The following VEPH1 variants were observed in gnomAD, a reference collection of about 807,000 sequenced individuals.
VEPH1 encodes the protein ventricular zone-expressed PH domain-containing protein homolog 1.
A neutral mutation model predicts 85.2 loss-of-function variants in VEPH1; 80 were observed. The observed-to-expected ratio is 0.94, with a 90% CI of 0.78 to 1.13. VEPH1 has a LOEUF of 1.13. Among genes scored for constraint, VEPH1 ranks in the 50% most tolerant of loss-of-function variants. The pLI is 0.00. For missense variants in VEPH1, 955 were observed against 980.5 expected, an observed-to-expected ratio of 0.97 and a Z score of 0.35; for synonymous variants, 297 against 348.0, an observed-to-expected ratio of 0.85 and a Z score of 1.63.
intron 2 of VEPH1, among the ~76,000 whole-genome samples, chr3:157,471,711 C>T (rs1736975632): frequency 7.0e-6 from 1 of 143,798 alleles, no homozygotes; most frequent in Non-Finnish European, 1.5e-5. Context: ...TAGGTGACCT[C>T]ATCTTTTTTT....
rs202162855 is a variant in VEPH1, at chr3:157,293,412, C to T, written c.2011-6738G>A. On this transcript the variant is annotated intron_variant, in intron 11 of 13. Transcript: ENST00000362010. ...CTATCACTACATATCACTAAATAAA[C>T]TTATACTTCTATCCTTTGAGTCCCT... Among the ~76,000 whole-genome samples the T allele has an allele frequency of 1.3e-4, 20 of 152,304 alleles. No homozygotes were observed. The East Asian group carries it at 3.7e-3, about 28-fold the overall frequency.
At chr3:157,397,349 G>T (rs1730476377) in intron 6 of VEPH1, among the ~76,000 whole-genome samples, 1 of 152,168 alleles carries the variant, frequency 6.6e-6, no homozygotes, top group Admixed American at 6.5e-5. Context: ...AGTACAGTTT[G>T]AAGTTGGATG....
intron 11 of VEPH1, among the ~76,000 whole-genome samples, chr3:157,305,948 T>G (rs1355385240): frequency 1.3e-5 from 2 of 152,218 alleles, no homozygotes; most frequent in African/African-American, 4.8e-5. Context: ...TTTTTCATGC[T>G]TGTTACAAAT....
intron 6 of VEPH1, among the ~76,000 whole-genome samples, chr3:157,390,672 C>T (rs183432483): frequency 2.6e-5 from 4 of 152,298 alleles, no homozygotes; most frequent in Admixed American, 2.6e-4. Flanking sequence ...ATGAAGGATA[C>T]CCCAGATCCT....
At chr3:157,438,020 A>AGCGCGCGC in intron 4 of VEPH1, 1 of 836,442 alleles carries the variant, frequency 1.2e-6, no homozygotes, top group Non-Finnish European at 1.7e-6. Context: ...TTTCATGGGA[A>AGCGCGCGC]GCGCGCGCGC....
chr3:157,500,631 T>C (rs1740026532), intron 1 of VEPH1, among the ~76,000 whole-genome samples: 1 of 152,252 alleles, frequency 6.6e-6, no homozygotes, highest in African/African-American at 2.4e-5. Flanking sequence ...AATATACTAA[T>C]GAAGTTTCGT....
chr3:157,488,943 TC>T, intron 2 of VEPH1: 1 of 262,970 alleles, frequency 3.8e-6, no homozygotes, highest in South Asian at 3.3e-5. Flanking sequence ...TCTCTCTCTC[TC>T]TTTCTCTCTC....
At chr3:157,439,403 T>TA (rs1733935884) in intron 4 of VEPH1, among the ~76,000 whole-genome samples, 1 of 152,262 alleles carries the variant, frequency 6.6e-6, no homozygotes, top group African/African-American at 2.4e-5. Flanking sequence ...GCTTGGCTCC[T>TA]AACCATTCTG....
intron 7 of VEPH1, among the ~76,000 whole-genome samples, chr3:157,369,189 A>AAAAACAAAAAACAAACAAAC (rs1560001150): frequency 1.4e-5 from 2 of 143,118 alleles, no homozygotes; most frequent in African/African-American, 2.6e-5. Flanking sequence ...TGAAAAAAAA[A>AAAAACAAAAAACAAACAAAC]AAAAAAAAAA....
intron 5 of VEPH1, among the ~76,000 whole-genome samples, chr3:157,427,940 G>A (rs1055419344): frequency 6.6e-6 from 1 of 152,162 alleles, no homozygotes; most frequent in Non-Finnish European, 1.5e-5. Context: ...CTGAGGGCCC[G>A]AATAGAACAA....
intron 1 of VEPH1, among the ~76,000 whole-genome samples, chr3:157,497,275 C>A (rs1438082187): frequency 6.6e-6 from 1 of 152,144 alleles, no homozygotes; most frequent in Admixed American, 6.5e-5. Context: ...CTCCTGGATC[C>A]TTGCCCATTC....
chr3:157,496,213 C>T (rs140140296), intron 1 of VEPH1, among the ~76,000 whole-genome samples: 2 of 152,352 alleles, frequency 1.3e-5, no homozygotes, highest in East Asian at 3.9e-4. Flanking sequence ...TCAGGCAACT[C>T]TCCCTCTATT....
intron 11 of VEPH1, among the ~76,000 whole-genome samples, chr3:157,299,559 CAAA>C (rs10535235): frequency 0.03 from 3,080 of 103,080 alleles, 36 homozygotes; most frequent in Middle Eastern, 0.036. Context: ...GGCCCTGTCT[CAAA>C]AAAAAAAAAA....
intron 2 of VEPH1, among the ~76,000 whole-genome samples, chr3:157,482,705 G>C (rs2109616897): frequency 6.6e-6 from 1 of 152,208 alleles, no homozygotes; most frequent in Admixed American, 6.5e-5. Flanking sequence ...AGATTTTTCA[G>C]CTCCTTTGTT....
chr3:157,362,854 A>G (rs567860232), intron 9 of VEPH1, among the ~76,000 whole-genome samples: 20 of 152,314 alleles, frequency 1.3e-4, no homozygotes, highest in Admixed American at 1.3e-3. Flanking sequence ...GAGCATCATC[A>G]TCTATACTCT....
At chr3:157,497,051 C>G (rs1236106973) in intron 1 of VEPH1, among the ~76,000 whole-genome samples, 1 of 152,106 alleles carries the variant, frequency 6.6e-6, no homozygotes. Context: ...ACTGCTAAAG[C>G]CATGCAGCTA....
At chr3:157,342,309 C>G (rs1190914396) in intron 9 of VEPH1, among the ~76,000 whole-genome samples, 2 of 151,416 alleles carry the variant, frequency 1.3e-5, no homozygotes, top group South Asian at 2.1e-4. Flanking sequence ...CACATAGGCT[C>G]AAAATAAAGG....
In VEPH1 at chr3:157,260,522, A is replaced by G. The variant is rs1384149985; in HGVS notation, c.*612T>C. On this transcript the variant is annotated 3_prime_UTR_variant, in exon 14 of 14. Transcript: ENST00000362010. Reference sequence around the variant, plus strand: ...TTATATGAACTTAAATGGAATAATTAAATAAGTAATTCTGAAAGACAAGTA... The same window carrying G: ...TTATATGAACTTAAATGGAATAATTGAATAAGTAATTCTGAAAGACAAGTA... The G allele has an allele frequency of 1.3e-5, 2 of 152,228 alleles. No individual in the cohort carries two copies. The highest frequency in any genetic ancestry group is 4.8e-5 in the African/African-American group (2 of 41,454). The allele number at this position is 152,228 out of a possible 1,614,324, so 9.4% of individuals were successfully genotyped here.
intron 9 of VEPH1, among the ~76,000 whole-genome samples, chr3:157,345,365 C>A (rs6762249): frequency 6.6e-6 from 1 of 152,102 alleles, no homozygotes; most frequent in East Asian, 1.9e-4. Flanking sequence ...AAAAAGTGGG[C>A]GAAGGATATG....
Sources: gnomAD v4.1 joint callset for allele counts (sites outside exome capture counted in the v4.1 genomes callset) on GRCh38, gnomAD v4.1.1 for gene constraint, MANE v1.5 for transcripts, NCBI Gene and HGNC (gene_info 2026-07-23, HGNC 2026-07-21) for gene names.